The following RGS22 variants were observed in gnomAD, a reference collection of about 807,000 sequenced individuals.
RGS22 encodes regulator of G-protein signaling 22.
Under a neutral mutation model 172.9 loss-of-function variants are expected in RGS22, and 148 were observed. The observed-to-expected ratio is 0.86, with a 90% CI of 0.75 to 0.98. The LOEUF is 0.98. Among genes scored for constraint, RGS22 ranks in the 50% least tolerant of loss-of-function variants. The pLI, the probability that RGS22 is intolerant of heterozygous loss-of-function variation, is 0.00. For synonymous variants in RGS22, 458 were observed against 480.2 expected, an observed-to-expected ratio of 0.95 and a Z score of 0.60; for missense variants, 1,347 against 1,440.8, an observed-to-expected ratio of 0.93 and a Z score of 1.05.
chr8:100,064,035 T>A lies in RGS22; in HGVS notation c.733A>T (p.Ile245Phe). 6.6e-7 allele frequency: 1 copy of A among 1,505,092 alleles called. No homozygotes were observed. The highest frequency in any genetic ancestry group is 8.8e-7 in the Non-Finnish European group (1 of 1,132,286). The allele number at this position is 1,505,092 out of a possible 1,614,324, so 93.2% of individuals were successfully genotyped here. ...CTAGGGTGAACTCCATCATCAAAGA[T>A]AAAATTCTCTGTATTAAGTCATAAA... ...PAISSVSENFIFDDGVHPRTK... is the reference protein window; with the variant it reads ...PAISSVSENFFFDDGVHPRTK... Residue 245 changes from isoleucine (I) to phenylalanine (F), a missense_variant, in exon 8 of 28, where the codon ATC (isoleucine) becomes TTC (phenylalanine). Transcript: ENST00000360863.
At chr8:100,070,602 T>C (rs1009694622) in intron 6 of RGS22, among the ~76,000 whole-genome samples, 1 of 152,246 alleles carries the variant, frequency 6.6e-6, no homozygotes. Flanking sequence ...TTATTTCTTG[T>C]TGAAATTTAT....
At chr8:100,029,886 T>C (rs1169488032) in intron 14 of RGS22, among the ~76,000 whole-genome samples, 2 of 152,086 alleles carry the variant, frequency 1.3e-5, no homozygotes, top group Non-Finnish European at 2.9e-5. Flanking sequence ...ACAAATATAA[T>C]GTTTAATAAT....
chr8:99,971,919 C>CA (rs986147567), intron 23 of RGS22, among the ~76,000 whole-genome samples: 3 of 151,960 alleles, frequency 2.0e-5, no homozygotes, highest in Non-Finnish European at 4.4e-5. Flanking sequence ...CCTATGGAAC[C>CA]AAAAAAGAGC....
At position 100,031,292 on chromosome 8, in the gene RGS22, C is replaced by T. The variant is rs562652824; in HGVS notation, c.2166+7639G>A. 4.6e-5 allele frequency among the ~76,000 whole-genome samples: 7 copies of T among 151,984 alleles called. 1 individual carries two copies. Among genetic ancestry groups the T allele is most frequent in the African/African-American group, 9.6e-5 (4 of 41,498 alleles). ...TTCTGTGATTTTTTTTTGCCTTCTACGTCATATAGCCTCTGATCTAGGTGA... is the reference window on the plus strand; with the variant it reads ...TTCTGTGATTTTTTTTTGCCTTCTATGTCATATAGCCTCTGATCTAGGTGA... On this transcript the variant is annotated intron_variant, in intron 14 of 27. Transcript: ENST00000360863.
In RGS22 at chr8:100,105,882, G is replaced by A. The variant is rs754329874; in HGVS notation, c.25+15C>T. ...CCGCGGGCTGATCCTCTGTCCCTGT[G>A]GGGCCGCCACCTACCCGCGGTGAGC... On this transcript the variant is annotated intron_variant, in intron 1 of 27. Transcript: ENST00000360863. The A allele has an allele frequency of 8.0e-6, 12 of 1,504,610 alleles. No individual in the cohort carries two copies. The African/African-American group carries it at 1.0e-4, about 13-fold the overall frequency. The allele number at this position is 1,504,610 out of a possible 1,614,324, so 93.2% of individuals were successfully genotyped here.
At chr8:100,067,866 G>A (rs533213778) in intron 6 of RGS22, among the ~76,000 whole-genome samples, 8 of 151,784 alleles carry the variant, frequency 5.3e-5, no homozygotes, top group Admixed American at 3.9e-4. Context: ...CTCATGATCC[G>A]CCCGCCTCAG....
chr8:100,016,339 C>A (rs972925908), intron 14 of RGS22, among the ~76,000 whole-genome samples: 1 of 150,690 alleles, frequency 6.6e-6, no homozygotes, highest in Non-Finnish European at 1.5e-5. Context: ...TAAACGATTG[C>A]ACCTAAATGT....
intron 9 of RGS22, among the ~76,000 whole-genome samples, chr8:100,060,402 G>GTATATATATATATATATATATATCTATA (rs72050805): frequency 9.7e-6 from 1 of 102,934 alleles, no homozygotes; most frequent in Non-Finnish European, 2.2e-5. Flanking sequence ...TTAGCTACGT[G>GTATATATATATATATATATATATCTATA]TATATATATA....
chr8:100,104,900 G>A (rs1813801490), intron 2 of RGS22, among the ~76,000 whole-genome samples: 1 of 152,172 alleles, frequency 6.6e-6, no homozygotes, highest in African/African-American at 2.4e-5. Flanking sequence ...AAATGACAAT[G>A]TATAGGATAT....
chr8:100,064,902 C>A (rs552895333), intron 7 of RGS22, among the ~76,000 whole-genome samples: 1 of 152,294 alleles, frequency 6.6e-6, no homozygotes, highest in African/African-American at 2.4e-5. Flanking sequence ...TACAGTCTAT[C>A]ATTAAACTTA....
At chr8:99,996,091 C>T (rs563140294) in intron 20 of RGS22, among the ~76,000 whole-genome samples, 21 of 144,186 alleles carry the variant, frequency 1.5e-4, no homozygotes, top group African/African-American at 4.9e-4. Context: ...GCGGGGAACA[C>T]CACACACTGG....
At chr8:99,999,130 G>T in intron 19 of RGS22, 132 bp downstream of exon 19, 1 of 747,236 alleles carries the variant, frequency 1.3e-6, no homozygotes, top group Non-Finnish European at 2.1e-6. Context: ...CTGCACTTCA[G>T]ACTGGGTGAC....
intron 9 of RGS22, among the ~76,000 whole-genome samples, chr8:100,056,055 T>C (rs920380739): frequency 6.6e-6 from 1 of 152,108 alleles, no homozygotes; most frequent in East Asian, 1.9e-4. Flanking sequence ...TTGAATGGGA[T>C]TGACCAAAAT....
At chr8:99,980,288 G>A (rs1812414182) in intron 22 of RGS22, among the ~76,000 whole-genome samples, 1 of 152,134 alleles carries the variant, frequency 6.6e-6, no homozygotes, top group South Asian at 2.1e-4. Context: ...CATTAAAAAA[G>A]GATTGCTCTG....
chr8:100,038,333 ATT>A (rs34036546), intron 14 of RGS22, among the ~76,000 whole-genome samples: 86,823 of 149,832 alleles, frequency 0.58, 25,111 homozygotes, highest in Admixed American at 0.62. Flanking sequence ...TTCCCCCTCT[ATT>A]TTTTTTTTTC....
intron 3 of RGS22, among the ~76,000 whole-genome samples, chr8:100,087,175 A>G (rs926169063): frequency 6.6e-6 from 1 of 152,168 alleles, no homozygotes; most frequent in Non-Finnish European, 1.5e-5. Context: ...GGAGACAGAA[A>G]TGAATGATGT....
At chr8:100,012,597 G>C (rs749813473) in intron 14 of RGS22, among the ~76,000 whole-genome samples, 1 of 151,906 alleles carries the variant, frequency 6.6e-6, no homozygotes, top group Non-Finnish European at 1.5e-5. Context: ...GGGAGAGACA[G>C]TGAGAGAGAG....
rs747911660 is a variant in RGS22 at position 100,063,583 on chromosome 8, C to G, written c.1185G>C (p.Glu395Asp). 4.3e-6 allele frequency: 7 copies of G among 1,613,948 alleles called. No homozygotes were observed. Among genetic ancestry groups the G allele is most frequent in the Middle Eastern group, 1.6e-4 (1 of 6,084 alleles). ...GAGAAATACACCAGTCCGCCCTGCT[C>G]TCTGGTCCAGCGCTCTCATTCTTTG... ...LSSKNESAGP[E>D]SRADWCISHR... The change falls in exon 8 of 28, where the codon GAG becomes GAC. Residue 395 changes from glutamate (E) to aspartate (D), a missense_variant. Coordinates refer to ENST00000360863, the MANE Select transcript of RGS22 (RefSeq NM_015668.5).
intron 14 of RGS22, among the ~76,000 whole-genome samples, chr8:100,020,219 G>A (rs1055216040): frequency 6.6e-6 from 1 of 152,112 alleles, no homozygotes; most frequent in Non-Finnish European, 1.5e-5. Context: ...GTAGCACTAA[G>A]GTTCTGCCTG....
Sources: allele counts gnomAD v4.1 joint callset (sites outside exome capture counted in the v4.1 genomes callset), GRCh38; gene constraint gnomAD v4.1.1; transcripts MANE v1.5; gene names NCBI Gene and HGNC (gene_info 2026-07-23, HGNC 2026-07-21).